CRACR2B: variants seen among roughly 807,000 people sequenced by gnomAD.
CRACR2B encodes EF-hand calcium-binding domain-containing protein 4A.
CRACR2B carries 50 observed loss-of-function variants against 46.0 expected under a neutral mutation model. The ratio of observed to expected loss-of-function variants is 1.09; its 90% CI spans 0.87 to 1.38. The LOEUF is 1.38. Ranked by LOEUF, CRACR2B falls within the 40% of genes most tolerant of loss-of-function variation. CRACR2B has a pLI of 0.00. For synonymous variants in CRACR2B, 277 were observed against 239.6 expected, an observed-to-expected ratio of 1.16 and a Z score of -1.44; for missense variants, 667 against 535.0, an observed-to-expected ratio of 1.25 and a Z score of -2.43.
chr11:830,649 GT>G lies in CRACR2B; in HGVS notation c.723del (p.Leu242TrpfsTer22). ...QNFARGERRS[R>X]LELELQSREQ... ...TTCGCCCGCGGGGAGCGGAGAAGCC[GT>G]CTGGAGCTGGAGCTGCAGAGCCGCG... On this transcript the variant is annotated frameshift_variant, in exon 6 of 9. Coordinates refer to ENST00000525077, the MANE Select transcript of CRACR2B (RefSeq NM_001286606.2). LOFTEE classifies it high-confidence loss of function. The G allele has an allele frequency of 6.5e-7, 1 of 1,548,564 alleles. No homozygotes were observed. Among genetic ancestry groups the G allele is most frequent in the Non-Finnish European group, 8.7e-7 (1 of 1,146,558 alleles).
Position 830,996 on chromosome 11 carries a change from A to C in CRACR2B, c.917A>C (p.Glu306Ala), listed in dbSNP as rs1012299420. 2 of 1,533,638 alleles carry C rather than the reference A, an allele frequency of 1.3e-6. No homozygotes were observed. Among genetic ancestry groups the C allele is most frequent in the African/African-American group, 2.7e-5 (2 of 72,968 alleles). Reference protein sequence around the residue: ...EGAQEQIRRLESEARGRQEQT... With the variant: ...EGAQEQIRRLASEARGRQEQT... ...GCGCAGGAGCAGATCCGCAGGCTGG[A>C]GAGCGAAGCACGAGGCCGCCAGGAG... is the stretch of plus-strand genomic sequence containing the variant. The change falls in exon 7 of 9, where the codon GAG (glutamate) becomes GCG (alanine). Residue 306 changes from glutamate to alanine, a missense_variant. Transcript: ENST00000525077.
chr11:826,899 TG>T (rs1350743594), upstream of CRACR2B, among the ~76,000 whole-genome samples: 3 of 152,226 alleles, frequency 2.0e-5, no homozygotes, highest in Non-Finnish European at 4.4e-5. Context: ...TGAAAGTATT[TG>T]GTCTGTTTCC....
Position 828,699 on chromosome 11 carries a change from T to C in CRACR2B, c.92T>C (p.Leu31Pro), listed in dbSNP as rs758800144. ...GGSAGPRAAI[L>P]EQAEELFLLC... ...TCTGCAGGGCCGCGGGCTGCAATACTGGAGCAGGCTGAGGAGCTGTTTCTG... is the reference window on the plus strand; with the variant it reads ...TCTGCAGGGCCGCGGGCTGCAATACCGGAGCAGGCTGAGGAGCTGTTTCTG... Residue 31 changes from leucine to proline, a missense_variant, in exon 1 of 9, where the codon CTG becomes CCG. By Grantham distance (98) the Leu-to-Pro change is moderately conservative (BLOSUM62 -3). Coordinates refer to ENST00000525077, the MANE Select transcript of CRACR2B (RefSeq NM_001286606.2). 3 of 1,612,582 alleles carry C rather than the reference T, an allele frequency of 1.9e-6. No homozygotes were observed. The highest frequency in any genetic ancestry group is 2.5e-6 in the Non-Finnish European group (3 of 1,179,614).
In CRACR2B at chr11:830,032, C is replaced by T. The variant is rs1488901781; in HGVS notation, c.505C>T (p.Pro169Ser). 1 of 1,569,444 alleles carries T rather than the reference C, an allele frequency of 6.4e-7. No individual in the cohort carries two copies. Among genetic ancestry groups the T allele is most frequent in the Non-Finnish European group, 8.6e-7 (1 of 1,163,490 alleles). ...TLWARLQRER[P>S]ELLGSFEDVL... ...CTGGGCCAGGCTGCAGCGCGAGCGCCCCGAGCTGCTGGGCTCTTTCGAGGA... is the reference window on the plus strand; with the variant it reads ...CTGGGCCAGGCTGCAGCGCGAGCGCTCCGAGCTGCTGGGCTCTTTCGAGGA... Residue 169 changes from proline (P) to serine (S), a missense_variant, in exon 4 of 9, where the codon CCC becomes TCC. Physicochemically the swap from Pro to Ser is moderately conservative, Grantham distance 74. Coordinates refer to ENST00000525077, the MANE Select transcript of CRACR2B (RefSeq NM_001286606.2).
At chr11:829,754 G>C (rs777104968) in intron 3 of CRACR2B, 10 of 1,015,324 alleles carry the variant, frequency 9.8e-6, no homozygotes, top group Non-Finnish European at 1.2e-5. Context: ...GCAGGGAGGA[G>C]GGGCAGCGCC....
chr11:829,660 G>A (rs1846226830), intron 3 of CRACR2B, 120 bp downstream of exon 3: 2 of 1,199,762 alleles, frequency 1.7e-6, no homozygotes, highest in South Asian at 1.6e-5. Flanking sequence ...GTCAGGCCCA[G>A]CCTAGCGTCA....
rs1846134390 is a variant in CRACR2B, at chr11:828,873, C to G, written c.187C>G (p.Leu63Val). 1.2e-5 allele frequency: 20 copies of G among 1,610,680 alleles called. No homozygotes were observed. The highest frequency in any genetic ancestry group is 1.6e-5 in the Non-Finnish European group (19 of 1,179,784). The change falls in exon 2 of 9, where the codon CTC (leucine) becomes GTC (valine). Residue 63 changes from leucine to valine, a missense_variant. By Grantham distance (32) the Leu-to-Val change is conservative. Coordinates refer to ENST00000525077, the MANE Select transcript of CRACR2B (RefSeq NM_001286606.2). ...DLQGLQSDLP[L>V]TPEQLEAVFE... ...CCAGGGTCTCCAGAGCGACCTGCCC[C>G]TCACGCCAGAGCAGCTGGAGGCTGT...
Position 831,572 on chromosome 11 carries a change from T to A in CRACR2B, c.1063T>A (p.Cys355Ser), listed in dbSNP as rs530911961. The A allele has an allele frequency of 8.9e-5, 143 of 1,597,848 alleles. 1 individual carries two copies. The East Asian group carries it at 3.1e-3, about 35-fold the overall frequency. Residue 355 changes from cysteine (C) to serine (S), a missense_variant, in exon 9 of 9, where the codon TGC becomes AGC. By Grantham distance (112) the Cys-to-Ser change is moderately radical. Transcript: ENST00000525077. ...ACGGCTGCGGGATGACAGGGACGCCTGCGAGGCCAGGCGGGCGGGCAGCAG... is the reference window on the plus strand; with the variant it reads ...ACGGCTGCGGGATGACAGGGACGCCAGCGAGGCCAGGCGGGCGGGCAGCAG... ...NTRLRDDRDA[C>S]EARRAGSSCR...
chr11:829,748 G>A (rs1846234595), intron 3 of CRACR2B: 1 of 1,003,376 alleles, frequency 1.0e-6, no homozygotes, highest in Non-Finnish European at 1.4e-6. Flanking sequence ...AGGGCTGCAG[G>A]GAGGAGGGGC....
chr11:830,036 A>AGCTGCTGGGCTCTT lies in CRACR2B; in HGVS notation c.510_523dup (p.Phe175CysfsTer10). The AGCTGCTGGGCTCTT allele has an allele frequency of 1.9e-6, 3 of 1,569,024 alleles. No homozygotes were observed. The highest frequency in any genetic ancestry group is 2.6e-6 in the Non-Finnish European group (3 of 1,163,242). The stretch of plus-strand genomic sequence containing the variant: ...GCCAGGCTGCAGCGCGAGCGCCCCG[A>AGCTGCTGGGCTCTT]GCTGCTGGGCTCTTTCGAGGATGTT... On this transcript the variant is annotated frameshift_variant, in exon 4 of 9. Coordinates refer to ENST00000525077, the MANE Select transcript of CRACR2B (RefSeq NM_001286606.2). LOFTEE classifies it high-confidence loss of function.
chr11:830,516 C>T (rs1046271747), intron 5 of CRACR2B, 105 bp from the exon 6 acceptor site: 1 of 1,540,938 alleles, frequency 6.5e-7, no homozygotes, highest in South Asian at 1.2e-5. Flanking sequence ...CTTCTCCACC[C>T]GACCCCGCTC....
chr11:826,699 A>G (rs1845923456), upstream of CRACR2B, among the ~76,000 whole-genome samples: 1 of 150,718 alleles, frequency 6.6e-6, no homozygotes, highest in African/African-American at 2.4e-5. Flanking sequence ...AATTTTTTGT[A>G]TTTTTAGTAG....
Position 828,864 on chromosome 11 carries a change from G to C in CRACR2B, c.178G>C (p.Asp60His), listed in dbSNP as rs202043008. ...TKHDLQGLQS[D>H]LPLTPEQLEA... ...CTTCCCCGACCAGGGTCTCCAGAGC[G>C]ACCTGCCCCTCACGCCAGAGCAGCT... is the stretch of plus-strand genomic sequence containing the variant. Residue 60 changes from aspartate to histidine, a missense_variant, in exon 2 of 9, where the codon GAC becomes CAC. Asp to His is a moderately conservative substitution (Grantham distance 81). Transcript: ENST00000525077. The C allele has an allele frequency of 6.8e-6, 11 of 1,610,634 alleles. No homozygotes were observed. Among genetic ancestry groups the C allele is most frequent in the Non-Finnish European group, 9.3e-6 (11 of 1,179,662 alleles).
At chr11:830,204 T>C in intron 4 of CRACR2B, 46 bp from the exon 5 acceptor site, 2 of 1,494,858 alleles carry the variant, frequency 1.3e-6, no homozygotes, top group Non-Finnish European at 1.8e-6. Context: ...GCCAGGGGGC[T>C]GTAGCGCTGG....
intron 3 of CRACR2B, 68 bp downstream of exon 3, chr11:829,608 T>G: frequency 1.4e-6 from 2 of 1,441,160 alleles, no homozygotes; most frequent in Non-Finnish European, 1.8e-6. Context: ...CTGTCTGCCC[T>G]TGTCACCCGA....
chr11:831,419 C>T (rs1393486249), intron 8 of CRACR2B, 116 bp from the exon 9 acceptor site: 9 of 1,476,776 alleles, frequency 6.1e-6, no homozygotes, highest in Non-Finnish European at 6.3e-6. Flanking sequence ...GCCTTTCACC[C>T]CTCACGCTGC....
Position 829,422 on chromosome 11 carries a change from T to C in CRACR2B, c.340T>C (p.Phe114Leu), listed in dbSNP as rs1420788460. ...CCCCTGCAGGACTCCCGAGGAGACC[T>C]TTGAGTCGGGCGGGCTCGACGTGCA... ...ANPCRTPEET[F>L]ESGGLDVQGT... is the part of the protein sequence containing the mutation. Residue 114 changes from phenylalanine to leucine, a missense_variant, in exon 3 of 9, where the codon TTT becomes CTT. Transcript: ENST00000525077. 1 of 1,610,462 alleles carries C rather than the reference T, an allele frequency of 6.2e-7. No homozygotes were observed. Among genetic ancestry groups the C allele is most frequent in the Admixed American group, 1.7e-5 (1 of 59,200 alleles).
At chr11:830,215 C>T (rs974794668) in intron 4 of CRACR2B, 35 bp from the exon 5 acceptor site, 1 of 1,495,860 alleles carries the variant, frequency 6.7e-7, no homozygotes, top group Non-Finnish European at 8.9e-7. Context: ...GTAGCGCTGG[C>T]AAGTTCTCAT....
rs925006484 is a variant in CRACR2B, at chr11:831,930, C to A, written c.*221C>A. The A allele has an allele frequency of 9.6e-6, 5 of 523,372 alleles. No individual in the cohort carries two copies. Among genetic ancestry groups the A allele is most frequent in the Non-Finnish European group, 1.6e-5 (5 of 305,556 alleles). The allele number at this position is 523,372 out of a possible 1,614,324, so 32.4% of individuals were successfully genotyped here. ...AGTCTTCGCTCTGTCCCCGTTCAAT[C>A]AACCCCATCTCAGTTCAGCAGAAAA... On this transcript the variant is annotated 3_prime_UTR_variant, in exon 9 of 9. Transcript: ENST00000525077.
Sources: allele counts gnomAD v4.1 joint callset (sites outside exome capture counted in the v4.1 genomes callset), GRCh38; gene constraint gnomAD v4.1.1; transcripts MANE v1.5; gene names NCBI Gene and HGNC (gene_info 2026-07-23, HGNC 2026-07-21).